CNTN4: variants seen among roughly 807,000 people sequenced by gnomAD.
CNTN4 encodes contactin-4.
Under a neutral mutation model 122.5 loss-of-function variants are expected in CNTN4, and 77 were observed. The ratio of observed to expected loss-of-function variants is 0.63; its 90% CI spans 0.52 to 0.76. CNTN4 has a LOEUF of 0.76. Among genes scored for constraint, CNTN4 ranks in the 30% least tolerant of loss-of-function variants. The probability of loss-of-function intolerance (pLI) is 0.00; values close to 1 mark genes in which losing one functional copy is unlikely to be tolerated. For synonymous variants in CNTN4, 512 were observed against 447.0 expected, an observed-to-expected ratio of 1.15 and a Z score of -1.83; for missense variants, 1,256 against 1,259.1, an observed-to-expected ratio of 1.00 and a Z score of 0.04.
chr3:2,785,905 G>A (rs66496866), intron 6 of CNTN4, among the ~76,000 whole-genome samples: 3,343 of 46,936 alleles, frequency 0.071, 192 homozygotes, highest in African/African-American at 0.21. Flanking sequence ...GCCCCCCCCC[G>A]CCCCCCCATC....
chr3:2,854,436 CT>C (rs1156617009), intron 7 of CNTN4, among the ~76,000 whole-genome samples: 1 of 52,264 alleles, frequency 1.9e-5, no homozygotes, highest in African/African-American at 1.1e-4. Flanking sequence ...CCACGCCTGG[CT>C]AATTTTTGTA....
chr3:2,100,968 G>A (rs930598504), intron 2 of CNTN4, among the ~76,000 whole-genome samples: 4 of 152,154 alleles, frequency 2.6e-5, no homozygotes, highest in African/African-American at 9.7e-5. Flanking sequence ...GCATGTCAGA[G>A]CCACATGTAA....
chr3:2,233,734 A>C (rs141278972), intron 2 of CNTN4, among the ~76,000 whole-genome samples: 1 of 152,208 alleles, frequency 6.6e-6, no homozygotes, highest in Admixed American at 6.5e-5. Flanking sequence ...AGGGACATGA[A>C]GGTCATCTAG....
rs1379319858 is a variant in CNTN4 at position 2,709,874 on chromosome 3, TGGGTGACAGGGCAAGA to T, written c.56-26340_56-26325del. 9.2e-5 allele frequency among the ~76,000 whole-genome samples: 14 copies of T among 152,082 alleles called. No individual in the cohort carries two copies. The highest frequency in any genetic ancestry group is 5.9e-5 in the Non-Finnish European group (4 of 67,998). On this transcript the variant is annotated intron_variant, in intron 4 of 24. Transcript: ENST00000418658. The surrounding 1 kb of genome is among the most constrained non-coding windows in gnomAD (Gnocchi z 5.0). ...GAGACTGCGCCACTGCACTCCAGCC[TGGGTGACAGGGCAAGA>T]CCCTGTCTCAAACATATAAATACAA...
chr3:2,980,593 C>T (rs1415628793), intron 13 of CNTN4, among the ~76,000 whole-genome samples: 2 of 152,122 alleles, frequency 1.3e-5, no homozygotes, highest in African/African-American at 4.8e-5. Flanking sequence ...ATTAAAGCGG[C>T]GCTGTTGTCT....
At chr3:2,509,925 A>G (rs2076836314) in intron 3 of CNTN4, among the ~76,000 whole-genome samples, 1 of 152,154 alleles carries the variant, frequency 6.6e-6, no homozygotes, top group Admixed American at 6.5e-5. Context: ...ATGAAGACAA[A>G]ACATTCTGAT....
chr3:2,487,090 G>C (rs1164299830), intron 3 of CNTN4, among the ~76,000 whole-genome samples: 1 of 152,052 alleles, frequency 6.6e-6, no homozygotes, highest in Non-Finnish European at 1.5e-5. Context: ...GGCATCACTA[G>C]GGATCCACAA....
intron 2 of CNTN4, among the ~76,000 whole-genome samples, chr3:2,186,293 G>C (rs1314467046): frequency 6.6e-6 from 1 of 152,140 alleles, no homozygotes; most frequent in East Asian, 1.9e-4. Context: ...GTATTTCATG[G>C]TGTATATGTG....
chr3:2,340,495 A>G (rs1311623666), intron 3 of CNTN4, among the ~76,000 whole-genome samples: 1 of 151,226 alleles, frequency 6.6e-6, no homozygotes, highest in Non-Finnish European at 1.5e-5. Flanking sequence ...AATCCTGGAC[A>G]TCAGTGAGAC....
intron 6 of CNTN4, among the ~76,000 whole-genome samples, chr3:2,787,415 G>T (rs1053016273): frequency 1.3e-5 from 2 of 152,024 alleles, no homozygotes; most frequent in Non-Finnish European, 2.9e-5. Context: ...AATATAAAAG[G>T]CATCTGACCA....
intron 2 of CNTN4, among the ~76,000 whole-genome samples, chr3:2,176,618 A>G (rs1217522110): frequency 2.0e-5 from 3 of 152,208 alleles, no homozygotes; most frequent in Non-Finnish European, 4.4e-5. Context: ...AATGATGGTA[A>G]TTAGTATAAC....
rs754489774 is a variant in CNTN4, at chr3:3,034,796, A to G, written c.1942+6A>G. The G allele has an allele frequency of 5.6e-6, 9 of 1,613,956 alleles. No homozygotes were observed. Among genetic ancestry groups the G allele is most frequent in the Middle Eastern group, 1.6e-4 (1 of 6,084 alleles). ...CTGGCAAGCAGTCAGTACAGGTACCATATTGGATGCTTGGCTCAGAGACAT... is the reference window on the plus strand; with the variant it reads ...CTGGCAAGCAGTCAGTACAGGTACCGTATTGGATGCTTGGCTCAGAGACAT... On this transcript the variant is annotated splice_donor_region_variant and intron_variant, in intron 17 of 24. Transcript: ENST00000418658.
rs141335275 is a variant in CNTN4, at chr3:2,914,329, A to T, written c.1208-11300A>T. The stretch of plus-strand genomic sequence containing the variant: ...AGAGCAGAGATAAAGGAAATATAGA[A>T]TAGAAAAATACTAGGAAAAAAATCA... On this transcript the variant is annotated intron_variant, in intron 12 of 24. Coordinates refer to ENST00000418658, the MANE Select transcript of CNTN4 (RefSeq NM_175607.3). Among the ~76,000 whole-genome samples, 674 of 152,280 alleles carry T rather than the reference A, an allele frequency of 4.4e-3. 5 individuals are homozygous for T. Among genetic ancestry groups the T allele is most frequent in the South Asian group, 8.9e-3 (43 of 4,828 alleles).
intron 15 of CNTN4, 27 bp from the exon 16 acceptor site, chr3:3,030,828 T>A: frequency 6.2e-7 from 1 of 1,613,382 alleles, no homozygotes; most frequent in Non-Finnish European, 8.5e-7. Context: ...AAAAAGTAAT[T>A]GCAGCCACTT....
chr3:2,327,793 A>G (rs1338457442), intron 2 of CNTN4, among the ~76,000 whole-genome samples: 2 of 152,186 alleles, frequency 1.3e-5, no homozygotes, highest in Admixed American at 6.5e-5. Flanking sequence ...GGAGTTCCAG[A>G]TCTGATTACT....
rs74496315 is a variant in CNTN4, at chr3:2,837,363, G to A, written c.454+17782G>A. Among the ~76,000 whole-genome samples, 550 of 152,220 alleles carry A rather than the reference G, an allele frequency of 3.6e-3. 3 individuals carry two copies. Among genetic ancestry groups the A allele is most frequent in the African/African-American group, 0.013 (519 of 41,520 alleles). Reference sequence around the variant, plus strand: ...TCCAGATACTGAAGTTAAAATAGCTGTCCTTGCTTTCCTGCCTGGAGAGAT... The same window carrying A: ...TCCAGATACTGAAGTTAAAATAGCTATCCTTGCTTTCCTGCCTGGAGAGAT... On this transcript the variant is annotated intron_variant, in intron 7 of 24. Coordinates refer to ENST00000418658, the MANE Select transcript of CNTN4 (RefSeq NM_175607.3).
At chr3:2,553,426 A>T (rs2078596133) in intron 3 of CNTN4, among the ~76,000 whole-genome samples, 1 of 152,194 alleles carries the variant, frequency 6.6e-6, no homozygotes, top group South Asian at 2.1e-4. Flanking sequence ...TGGGCCTTTC[A>T]TCTCAAGAAC....
At chr3:2,508,796 C>CT (rs1280527804) in intron 3 of CNTN4, among the ~76,000 whole-genome samples, 1 of 152,046 alleles carries the variant, frequency 6.6e-6, no homozygotes, top group Non-Finnish European at 1.5e-5. Context: ...ATGTTGGTCT[C>CT]TTTTTTCCTT....
At chr3:2,219,714 A>G (rs186489227) in intron 2 of CNTN4, among the ~76,000 whole-genome samples, 78 of 151,800 alleles carry the variant, frequency 5.1e-4, no homozygotes, top group African/African-American at 1.9e-3. Flanking sequence ...TTGTTTATTT[A>G]CTTAGAACTC....
Sources: allele counts gnomAD v4.1 joint callset (sites outside exome capture counted in the v4.1 genomes callset), GRCh38; gene constraint gnomAD v4.1.1; non-coding constraint Gnocchi (gnomAD v3.1); transcripts MANE v1.5; gene names NCBI Gene and HGNC (gene_info 2026-07-23, HGNC 2026-07-21).